Variants in CENPX observed in about 807,000 individuals in gnomAD.
CENPX encodes centromere protein X, also known as FANCM associated histone fold protein 2.
A neutral mutation model predicts 13.2 loss-of-function variants in CENPX; 13 were observed. The observed-to-expected ratio is 0.98, with a 90% CI of 0.64 to 1.56. The LOEUF (loss-of-function observed/expected upper bound fraction) is 1.56, where lower values mean the gene tolerates loss of function less well. Ranked by LOEUF, CENPX falls within the 40% of genes most tolerant of loss-of-function variation. The pLI is 0.00. For synonymous variants in CENPX, 66 were observed against 47.2 expected (o/e 1.40, Z -1.63); for missense variants, 138 against 107.5 (o/e 1.28, Z -1.26).
In CENPX at chr17:82,021,547, G is replaced by A. The variant is rs569973414; in HGVS notation, c.36+1279C>T. On this transcript the variant is annotated intron_variant, in intron 1 of 4. Transcript: ENST00000392359. ...GCAGGCCCAGCACTGGGGCGGTTGT[G>A]GAGGGTGCCTAGGACACAGCCAGCT... 3.9e-4 allele frequency among the ~76,000 whole-genome samples: 59 copies of A among 152,334 alleles called. No individual in the cohort carries two copies. The East Asian group carries it at 4.4e-3, about 11-fold the overall frequency.
Position 82,019,099 on chromosome 17 carries a change from C to T in CENPX, c.*106G>A, listed in dbSNP as rs2043222931. On this transcript the variant is annotated 3_prime_UTR_variant, in exon 5 of 5. Coordinates refer to ENST00000392359, the MANE Select transcript of CENPX (RefSeq NM_001271006.2). ...GATCTTGTTTGAATCAACTCCAAAT[C>T]CTTCAGGTCCTTCCCTGCCTCTTAT... The T allele has an allele frequency of 3.5e-6, 5 of 1,435,610 alleles. No individual in the cohort carries two copies. The South Asian group carries it at 5.9e-5, about 17-fold the overall frequency. The allele number at this position is 1,435,610 out of a possible 1,614,324, so 88.9% of individuals were successfully genotyped here. A position where few individuals can be genotyped will look rare whatever the true frequency, so the allele number is the denominator to read the frequency against.
chr17:82,022,789 G>A, intron 1 of CENPX, 37 bp downstream of exon 1: 6 of 1,556,314 alleles, frequency 3.9e-6, no homozygotes, highest in Non-Finnish European at 5.2e-6. Context: ...GGGACGGAGC[G>A]TCCGCGCCTG....
At position 82,019,045 on chromosome 17, in the gene CENPX, C is replaced by T; in HGVS notation, c.*160G>A. The stretch of plus-strand genomic sequence containing the variant: ...GGCCCGCAGTGCACTGCAGTCCTGC[C>T]CCTTCTGCACAGGCTGGAGACTCCC... On this transcript the variant is annotated 3_prime_UTR_variant, in exon 5 of 5. Coordinates refer to ENST00000392359, the MANE Select transcript of CENPX (RefSeq NM_001271006.2). The T allele has an allele frequency of 3.6e-6, 4 of 1,122,060 alleles. No individual in the cohort carries two copies. The highest frequency in any genetic ancestry group is 4.9e-6 in the Non-Finnish European group (4 of 811,330). 69.5% of individuals were successfully genotyped at this position (1,122,060 alleles called of 1,614,324 possible). A position where few individuals can be genotyped will look rare whatever the true frequency, so the allele number is the denominator to read the frequency against.
At chr17:82,021,487 G>C (rs1267656463) in intron 1 of CENPX, among the ~76,000 whole-genome samples, 1 of 152,264 alleles carries the variant, frequency 6.6e-6, no homozygotes, top group African/African-American at 2.4e-5. Context: ...GACAATCCAT[G>C]GGGCTTCCCC....
intron 2 of CENPX, 56 bp downstream of exon 2, chr17:82,019,802 A>G (rs2043246466): frequency 1.3e-6 from 2 of 1,581,510 alleles, no homozygotes; most frequent in Admixed American, 1.8e-5. Context: ...GTTGCAGGAA[A>G]GGGTCCCTGA....
chr17:82,019,392 A>C lies in CENPX; in HGVS notation c.143-11T>G, dbSNP rs2043233260. 6.5e-7 allele frequency: 1 copy of C among 1,541,468 alleles called. No individual in the cohort carries two copies. Among genetic ancestry groups the C allele is most frequent in the African/African-American group, 1.4e-5 (1 of 73,424 alleles). On this transcript the variant is annotated splice_polypyrimidine_tract_variant and intron_variant, in intron 3 of 4. Coordinates refer to ENST00000392359, the MANE Select transcript of CENPX (RefSeq NM_001271006.2). The stretch of plus-strand genomic sequence containing the variant: ...CGCGGACTGCTGCTTCTGCGGTGAG[A>C]AACGCGAGAGGTGGGGGATGCTGGG...
chr17:82,018,941 C>G lies in CENPX; in HGVS notation c.*264G>C, dbSNP rs377084313. The G allele has an allele frequency of 1.9e-4, 82 of 427,820 alleles. 1 individual carries two copies. The highest frequency in any genetic ancestry group is 1.3e-3 in the East Asian group (38 of 28,654). The allele number at this position is 427,820 out of a possible 1,614,324, so 26.5% of individuals were successfully genotyped here. ...TGTAGGACCCCGGGTGGCATGCACA[C>G]TATTGTCCCAGGGAGGAGAGGCAGG... is the stretch of plus-strand genomic sequence containing the variant. On this transcript the variant is annotated 3_prime_UTR_variant, in exon 5 of 5. Coordinates refer to ENST00000392359, the MANE Select transcript of CENPX (RefSeq NM_001271006.2).
At position 82,022,841 on chromosome 17, in the gene CENPX, T is replaced by A. The variant is rs759835327; in HGVS notation, c.21A>T (p.Gly7=). Residue 7 remains glycine (G), a synonymous_variant, in exon 1 of 5, where the codon GGA becomes GGT. Transcript: ENST00000392359. MEGAGA[G]SGFRKELVSR... ...CGGCCCTCACCTTCCGGAAGCCGGATCCAGCTCCTGCTCCCTCCATGACCG... is the reference window on the plus strand; with the variant it reads ...CGGCCCTCACCTTCCGGAAGCCGGAACCAGCTCCTGCTCCCTCCATGACCG... 33 of 1,592,926 alleles carry A rather than the reference T, an allele frequency of 2.1e-5. No homozygotes were observed. Among genetic ancestry groups the A allele is most frequent in the Non-Finnish European group, 2.6e-5 (31 of 1,172,508 alleles).
At position 82,019,838 on chromosome 17, in the gene CENPX, G is replaced by A. The variant is rs1019670373; in HGVS notation, c.88+20C>T. 255 of 791,800 alleles carry A rather than the reference G, an allele frequency of 3.2e-4. No individual in the cohort carries two copies. Among genetic ancestry groups the A allele is most frequent in the East Asian group, 8.0e-4 (16 of 19,942 alleles). 49.0% of individuals were successfully genotyped at this position (791,800 alleles called of 1,614,324 possible). A position where few individuals can be genotyped will look rare whatever the true frequency, so the allele number is the denominator to read the frequency against. ...GGACAGACACGGGGACCCACCTCCC[G>A]CCCGCACCCCCACCCGCACCTTTGG... On this transcript the variant is annotated intron_variant, in intron 2 of 4. Coordinates refer to ENST00000392359, the MANE Select transcript of CENPX (RefSeq NM_001271006.2).
chr17:82,019,577 T>C (rs1172577705), intron 3 of CENPX, 64 bp downstream of exon 3: 3 of 1,549,462 alleles, frequency 1.9e-6, no homozygotes, highest in Non-Finnish European at 1.7e-6. Context: ...GTCTTGGTTT[T>C]CCCGCTGGAA....
At chr17:82,020,571 T>A (rs1295141529) in intron 1 of CENPX, among the ~76,000 whole-genome samples, 1 of 152,060 alleles carries the variant, frequency 6.6e-6, no homozygotes, top group Admixed American at 6.5e-5. Flanking sequence ...GAGCTCTCCG[T>A]GTCTCCATGG....
intron 1 of CENPX, among the ~76,000 whole-genome samples, chr17:82,020,995 C>T (rs923706008): frequency 9.9e-5 from 15 of 152,102 alleles, no homozygotes; most frequent in Admixed American, 2.6e-4. Context: ...GGAGCCAGCA[C>T]GGAGAGTCCA....
In CENPX at chr17:82,019,162, C is replaced by T. The variant is rs773072082; in HGVS notation, c.*43G>A. 1.2e-5 allele frequency: 19 copies of T among 1,520,164 alleles called. No individual in the cohort carries two copies. In the South Asian group the frequency reaches 1.4e-4, roughly 11 times the overall value. The allele number at this position is 1,520,164 out of a possible 1,614,324, so 94.2% of individuals were successfully genotyped here. On this transcript the variant is annotated 3_prime_UTR_variant, in exon 5 of 5. Transcript: ENST00000392359. ...GAAACACAAGGCCTGCTTCTGTGGA[C>T]CAGGGGCTCCTCTGGGGGTGGCCTC...
chr17:82,022,632 C>G (rs2043309373), intron 1 of CENPX, 194 bp downstream of exon 1: 1 of 649,956 alleles, frequency 1.5e-6, no homozygotes, highest in East Asian at 3.1e-5. Context: ...TCCACGCCCC[C>G]TCCTACCAGC....
At chr17:82,021,738 C>T (rs1235660049) in intron 1 of CENPX, among the ~76,000 whole-genome samples, 1 of 152,216 alleles carries the variant, frequency 6.6e-6, no homozygotes, top group Non-Finnish European at 1.5e-5. Context: ...GGTGTGTACC[C>T]AGTGCCCCGT....
In CENPX at chr17:82,019,895, C is replaced by G. The variant is rs1329181264; in HGVS notation, c.51G>C (p.Arg17Ser). Residue 17 changes from arginine to serine, a missense_variant, in exon 2 of 5, where the codon AGG (arginine) becomes AGC (serine). By Grantham distance (110) the Arg-to-Ser change is moderately radical (BLOSUM62 -1). Coordinates refer to ENST00000392359, the MANE Select transcript of CENPX (RefSeq NM_001271006.2). ...GSGFRKELVSRLLHLHFKDDK... is the reference protein window; with the variant it reads ...GSGFRKELVSSLLHLHFKDDK... ...CATCCTTGAAGTGCAGGTGCAGCAG[C>G]CTGCTCACCAGCTCCTAGAAGGGAG... is the stretch of plus-strand genomic sequence containing the variant. 2.5e-6 allele frequency: 4 copies of G among 1,597,622 alleles called. No individual in the cohort carries two copies. In the Admixed American group the frequency reaches 6.7e-5, roughly 27 times the overall value.
At chr17:82,022,683 G>T in intron 1 of CENPX, 143 bp downstream of exon 1, 1 of 988,480 alleles carries the variant, frequency 1.0e-6, no homozygotes, top group South Asian at 1.6e-5. Flanking sequence ...CGCGCGGCCC[G>T]GCCGGAGATG....
At position 82,019,074 on chromosome 17, in the gene CENPX, G is replaced by A. The variant is rs962115872; in HGVS notation, c.*131C>T. ...TCTGCACAGGCTGGAGACTCCCAGA[G>A]ATCTTGTTTGAATCAACTCCAAATC... On this transcript the variant is annotated 3_prime_UTR_variant, in exon 5 of 5. Transcript: ENST00000392359. 3 of 1,337,604 alleles carry A rather than the reference G, an allele frequency of 2.2e-6. No homozygotes were observed. The highest frequency in any genetic ancestry group is 1.6e-5 in the South Asian group (1 of 63,990). 82.9% of individuals were successfully genotyped at this position (1,337,604 alleles called of 1,614,324 possible).
At position 82,019,001 on chromosome 17, in the gene CENPX, T is replaced by C. The variant is rs1045873510; in HGVS notation, c.*204A>G. Reference sequence around the variant, plus strand: ...GGTGCTGCCCCTTCCCACACCAGTGTCCCCACTGGACACTCCAAGGCCCGC... The same window carrying C: ...GGTGCTGCCCCTTCCCACACCAGTGCCCCCACTGGACACTCCAAGGCCCGC... On this transcript the variant is annotated 3_prime_UTR_variant, in exon 5 of 5. Coordinates refer to ENST00000392359, the MANE Select transcript of CENPX (RefSeq NM_001271006.2). 1 of 618,382 alleles carries C rather than the reference T, an allele frequency of 1.6e-6. No homozygotes were observed. Among genetic ancestry groups the C allele is most frequent in the Non-Finnish European group, 2.5e-6 (1 of 403,668 alleles). The allele number at this position is 618,382 out of a possible 1,614,324, so 38.3% of individuals were successfully genotyped here.
Sources: allele counts gnomAD v4.1 joint callset (sites outside exome capture counted in the v4.1 genomes callset), GRCh38; gene constraint gnomAD v4.1.1; transcripts MANE v1.5; gene names NCBI Gene and HGNC (gene_info 2026-07-23, HGNC 2026-07-21).